The following NAB1 variants were observed in gnomAD, a reference collection of about 807,000 sequenced individuals.
NAB1 encodes NGFI-A binding protein 1, also known as NGFI-A-binding protein 1.
NAB1 carries 25 observed loss-of-function variants against 49.9 expected under a neutral mutation model. The observed-to-expected ratio is 0.50, with a 90% CI of 0.37 to 0.70. The LOEUF (loss-of-function observed/expected upper bound fraction) is 0.70. Among genes scored for constraint, NAB1 ranks in the 30% least tolerant of loss-of-function variants. The probability of loss-of-function intolerance (pLI) is 0.00; values close to 1 mark genes in which losing one functional copy is unlikely to be tolerated. For synonymous variants in NAB1, 198 were observed against 215.6 expected (o/e 0.92, Z 0.71); for missense variants, 489 against 575.9 (o/e 0.85, Z 1.54).
chr2:190,651,094 T>C lies in NAB1; in HGVS notation c.-197+1112T>C, dbSNP rs117086761. Among the ~76,000 whole-genome samples, 634 of 152,340 alleles carry C rather than the reference T, an allele frequency of 4.2e-3. 12 individuals carry two copies. In the East Asian group the frequency reaches 0.046, roughly 11 times the overall value. ...CAATAATAATGTAATAATGACAACA[T>C]TGAGGAACTGTAGATTTTTATTTTA... On this transcript the variant is annotated intron_variant, in intron 2 of 9. Transcript: ENST00000337386. The surrounding 1 kb of genome is among the most constrained non-coding windows in gnomAD (Gnocchi z 4.3).
At position 190,666,631 on chromosome 2, in the gene NAB1, C is replaced by T. The variant is rs1410095729; in HGVS notation, c.820-3695C>T. On this transcript the variant is annotated intron_variant, in intron 4 of 9. Transcript: ENST00000337386. The surrounding 1 kb of genome is among the most constrained non-coding windows in gnomAD (Gnocchi z 5.6). ...GGCTGAGACAGGAGAATCGCTTGAA[C>T]CCGGGGCGCTGAGGTTGCGCCACTG... Among the ~76,000 whole-genome samples, 1 of 152,036 alleles carries T rather than the reference C, an allele frequency of 6.6e-6. No individual in the cohort carries two copies. Among genetic ancestry groups the T allele is most frequent in the Non-Finnish European group, 1.5e-5 (1 of 68,028 alleles).
In NAB1 at chr2:190,691,812, T is replaced by C. The variant is rs918962652; in HGVS notation, c.*1479T>C. The C allele has an allele frequency of 6.6e-6, 1 of 152,138 alleles. No individual in the cohort carries two copies. Among genetic ancestry groups the C allele is most frequent in the African/African-American group, 2.4e-5 (1 of 41,448 alleles). 9.4% of individuals were successfully genotyped at this position (152,138 alleles called of 1,614,324 possible). ...CTCTAGATCATAATTGTAAAAAATA[T>C]TAAGTCATAATCTGTTACACTAAAA... is the stretch of plus-strand genomic sequence containing the variant. On this transcript the variant is annotated 3_prime_UTR_variant, in exon 10 of 10. Coordinates refer to ENST00000337386, the MANE Select transcript of NAB1 (RefSeq NM_005966.4). The surrounding 1 kb of genome is among the most constrained non-coding windows in gnomAD (Gnocchi z 4.1).
Position 190,679,713 on chromosome 2 carries a change from A to C in NAB1, c.1006-4025A>C, listed in dbSNP as rs938043177. Among the ~76,000 whole-genome samples the C allele has an allele frequency of 2.6e-5, 4 of 152,174 alleles. No individual in the cohort carries two copies. Among genetic ancestry groups the C allele is most frequent in the African/African-American group, 9.7e-5 (4 of 41,432 alleles). ...ATAATGAGGTTTACTTTTTTGCCTG[A>C]GATCACACAGCTGGTTCCTAATGTG... On this transcript the variant is annotated intron_variant, in intron 6 of 9. Coordinates refer to ENST00000337386, the MANE Select transcript of NAB1 (RefSeq NM_005966.4). This position sits in a 1 kb window ranked among gnomAD's most constrained non-coding sequence, Gnocchi z 5.3.
chr2:190,671,769 CTTTTTTTTTTTTT>C (rs1177937369), intron 5 of NAB1, among the ~76,000 whole-genome samples: 2 of 71,722 alleles, frequency 2.8e-5, no homozygotes, highest in Non-Finnish European at 4.9e-5. Flanking sequence ...TTCACCTTTC[CTTTTTTTTTTTTT>C]TTTTTTTTTT....
Position 190,685,385 on chromosome 2 carries a change from A to T in NAB1, c.1096-91A>T, listed in dbSNP as rs1001095984. ...GAACTAATTTTAATGAATACTAAAT[A>T]TATTTGCTGGAGTCTGAAATTGGCA... On this transcript the variant is annotated intron_variant, in intron 7 of 9. Coordinates refer to ENST00000337386, the MANE Select transcript of NAB1 (RefSeq NM_005966.4). The surrounding 1 kb of genome is among the most constrained non-coding windows in gnomAD (Gnocchi z 4.5). The T allele has an allele frequency of 8.5e-7, 1 of 1,170,890 alleles. No individual in the cohort carries two copies. The highest frequency in any genetic ancestry group is 1.6e-5 in the African/African-American group (1 of 64,226). The allele number at this position is 1,170,890 out of a possible 1,614,324, so 72.5% of individuals were successfully genotyped here.
rs1041720280 is a variant in NAB1 at position 190,682,549 on chromosome 2, T to C, written c.1006-1189T>C. On this transcript the variant is annotated intron_variant, in intron 6 of 9. Coordinates refer to ENST00000337386, the MANE Select transcript of NAB1 (RefSeq NM_005966.4). The surrounding 1 kb of genome is among the most constrained non-coding windows in gnomAD (Gnocchi z 4.1). ...AGTTTGGATCGTTAGCCACATTTCA[T>C]GTAACAAAATTAATTTCAGATAGGT... Among the ~76,000 whole-genome samples, 10 of 152,224 alleles carry C rather than the reference T, an allele frequency of 6.6e-5. No individual in the cohort carries two copies. The highest frequency in any genetic ancestry group is 1.2e-4 in the Non-Finnish European group (8 of 68,044).
rs1279032801 is a variant in NAB1, at chr2:190,684,069, T to C, written c.1095+242T>C. On this transcript the variant is annotated intron_variant, in intron 7 of 9. Transcript: ENST00000337386. This position sits in a 1 kb window ranked among gnomAD's most constrained non-coding sequence, Gnocchi z 4.6. ...TTTATTCTTGTAGTTTTGTAGGAAG[T>C]GAGACAGATTCTCTGCTCAAGAAAA... is the stretch of plus-strand genomic sequence containing the variant. 6.6e-6 allele frequency among the ~76,000 whole-genome samples: 1 copy of C among 152,208 alleles called. No homozygotes were observed. Among genetic ancestry groups the C allele is most frequent in the African/African-American group, 2.4e-5 (1 of 41,452 alleles).
Position 190,673,081 on chromosome 2 carries a change from T to TTG in NAB1, c.954-19_954-18insGT. The TTG allele has an allele frequency of 6.3e-7, 1 of 1,596,330 alleles. No homozygotes were observed. Among genetic ancestry groups the TTG allele is most frequent in the Non-Finnish European group, 8.5e-7 (1 of 1,174,940 alleles). ...TACTTTCTCAAGTTTTTTTTTTTTT[T>TTG]TCTCTCCCCTTTCCCTTAGGTCAAA... On this transcript the variant is annotated intron_variant, in intron 5 of 9. Transcript: ENST00000337386.
At chr2:190,683,188 G>A (rs1695434019) in intron 6 of NAB1, among the ~76,000 whole-genome samples, 1 of 151,638 alleles carries the variant, frequency 6.6e-6, no homozygotes, top group Non-Finnish European at 1.5e-5. Flanking sequence ...TCGGCTCACT[G>A]CAACCTCCGC....
rs1695546952 is a variant in NAB1, at chr2:190,685,231, C to T, written c.1096-245C>T. 6.6e-6 allele frequency among the ~76,000 whole-genome samples: 1 copy of T among 152,178 alleles called. No individual in the cohort carries two copies. The highest frequency in any genetic ancestry group is 2.4e-5 in the African/African-American group (1 of 41,418). ...TAAGGTTATGTTGCTTTTGAGCTGA[C>T]ATGGAATTCTCTTGAAAGAATTGAG... On this transcript the variant is annotated intron_variant, in intron 7 of 9. Coordinates refer to ENST00000337386, the MANE Select transcript of NAB1 (RefSeq NM_005966.4). This position sits in a 1 kb window ranked among gnomAD's most constrained non-coding sequence, Gnocchi z 4.5.
In NAB1 at chr2:190,667,639, T is replaced by C. The variant is rs533357740; in HGVS notation, c.820-2687T>C. 5.3e-5 allele frequency among the ~76,000 whole-genome samples: 8 copies of C among 152,262 alleles called. No individual in the cohort carries two copies. The South Asian group carries it at 1.2e-3, about 24-fold the overall frequency. ...ATGGGTTTAAAATAGGAGACCTGGG[T>C]TTATTATTATAACTTGCTGTCAGTG... is the stretch of plus-strand genomic sequence containing the variant. On this transcript the variant is annotated intron_variant, in intron 4 of 9. Coordinates refer to ENST00000337386, the MANE Select transcript of NAB1 (RefSeq NM_005966.4). The surrounding 1 kb of genome is among the most constrained non-coding windows in gnomAD (Gnocchi z 4.4).
Position 190,683,811 on chromosome 2 carries a change from C to G in NAB1, c.1079C>G (p.Ala360Gly). 1 of 1,612,836 alleles carries G rather than the reference C, an allele frequency of 6.2e-7. No individual in the cohort carries two copies. Among genetic ancestry groups the G allele is most frequent in the East Asian group, 2.2e-5 (1 of 44,826 alleles). The change falls in exon 7 of 10, where the codon GCA becomes GGA. Residue 360 changes from alanine to glycine, a missense_variant. Physicochemically the swap from Ala to Gly is moderately conservative, Grantham distance 60 (BLOSUM62 0). Coordinates refer to ENST00000337386, the MANE Select transcript of NAB1 (RefSeq NM_005966.4). ...QQARAKSEELAALSSQQPEKV... is the reference protein window; with the variant it reads ...QQARAKSEELGALSSQQPEKV... Reference sequence around the variant, plus strand: ...GCTAGAGCTAAGAGTGAAGAACTTGCAGCTCTTAGTTCACAGGTAACATAA... The same window carrying G: ...GCTAGAGCTAAGAGTGAAGAACTTGGAGCTCTTAGTTCACAGGTAACATAA...
chr2:190,660,082 T>A, intron 4 of NAB1, 87 bp downstream of exon 4: 1 of 1,159,780 alleles, frequency 8.6e-7, no homozygotes, highest in South Asian at 1.5e-5. Context: ...TTGCCACAAA[T>A]GTGATACACT....
rs189553115 is a variant in NAB1 at position 190,682,857 on chromosome 2, T to A, written c.1006-881T>A. 6.6e-6 allele frequency among the ~76,000 whole-genome samples: 1 copy of A among 152,276 alleles called. No individual in the cohort carries two copies. The highest frequency in any genetic ancestry group is 1.9e-4 in the East Asian group (1 of 5,188). ...TATTGCTTGTGGTATGATAAACTAG[T>A]AAAGGCCCTCTATAGGTTTAGCGAA... On this transcript the variant is annotated intron_variant, in intron 6 of 9. Transcript: ENST00000337386. This position sits in a 1 kb window ranked among gnomAD's most constrained non-coding sequence, Gnocchi z 4.1.
Position 190,686,500 on chromosome 2 carries a change from T to G in NAB1, c.1259-701T>G, listed in dbSNP as rs191398220. 6.6e-6 allele frequency among the ~76,000 whole-genome samples: 1 copy of G among 152,216 alleles called. No homozygotes were observed. The highest frequency in any genetic ancestry group is 1.5e-5 in the Non-Finnish European group (1 of 68,028). ...GATTCTCCAGCCATGGACTGAAATA[T>G]TACATGTGTCAACACATCAGAGTAC... On this transcript the variant is annotated intron_variant, in intron 8 of 9. Transcript: ENST00000337386. This position sits in a 1 kb window ranked among gnomAD's most constrained non-coding sequence, Gnocchi z 5.5.
intron 4 of NAB1, 130 bp downstream of exon 4, chr2:190,660,125 TA>T (rs1694146672): frequency 1.4e-6 from 1 of 721,242 alleles, no homozygotes; most frequent in South Asian, 1.9e-5. Flanking sequence ...ATTGAGGTGT[TA>T]GCAACATGTA....
intron 4 of NAB1, among the ~76,000 whole-genome samples, chr2:190,661,606 A>C (rs1320640669): frequency 6.6e-6 from 1 of 152,252 alleles, no homozygotes; most frequent in African/African-American, 2.4e-5. Flanking sequence ...AAAATGTAAA[A>C]AGAATTATTT....
At position 190,655,313 on chromosome 2, in the gene NAB1, G is replaced by A. The variant is rs928748757; in HGVS notation, c.-196-664G>A. Among the ~76,000 whole-genome samples the A allele has an allele frequency of 5.9e-5, 9 of 152,294 alleles. No individual in the cohort carries two copies. In the South Asian group the frequency reaches 1.7e-3, roughly 28 times the overall value. On this transcript the variant is annotated intron_variant, in intron 2 of 9. Transcript: ENST00000337386. ...ATTTGGATTTGAGAACACTTGGAGT[G>A]ACTCCATGGCTCTTGTCCAAGCTAC...
intron 4 of NAB1, 28 bp downstream of exon 4, chr2:190,660,023 G>T: frequency 1.9e-6 from 3 of 1,575,334 alleles, no homozygotes; most frequent in Non-Finnish European, 2.6e-6. Flanking sequence ...TTCCTTCTGT[G>T]TGTGTATGTG....
Sources: gnomAD v4.1 joint callset for allele counts (sites outside exome capture counted in the v4.1 genomes callset) on GRCh38, gnomAD v4.1.1 for gene constraint, Gnocchi (gnomAD v3.1) non-coding constraint, MANE v1.5 for transcripts, NCBI Gene and HGNC (gene_info 2026-07-23, HGNC 2026-07-21) for gene names.